Variants in MGMT observed in about 807,000 individuals in gnomAD.
MGMT encodes O-6-methylguanine-DNA methyltransferase.
In MGMT, 14 loss-of-function variants were observed where a neutral mutation model predicts 15.9. The observed-to-expected ratio is 0.88, with a 90% CI of 0.58 to 1.37. The LOEUF is 1.37. Among genes scored for constraint, MGMT ranks in the 40% most tolerant of loss-of-function variants. MGMT has a pLI of 0.00. For missense variants in MGMT, 282 were observed against 268.1 expected (o/e 1.05, Z -0.36); for synonymous variants, 130 against 118.2 (o/e 1.10, Z -0.65).
intron 3 of MGMT, among the ~76,000 whole-genome samples, chr10:129,736,016 G>A (rs1848556390): frequency 9.0e-6 from 1 of 110,846 alleles, no homozygotes; most frequent in Non-Finnish European, 1.8e-5. Flanking sequence ...GTGGTGTGGT[G>A]CTGAAAAAAA....
intron 3 of MGMT, among the ~76,000 whole-genome samples, chr10:129,742,390 C>T (rs376498979): frequency 1.1e-3 from 162 of 152,352 alleles, no homozygotes; most frequent in African/African-American, 3.5e-3. Context: ...CCTCGGTGCG[C>T]GACCCGGGGC....
intron 2 of MGMT, among the ~76,000 whole-genome samples, chr10:129,604,871 T>C (rs982987233): frequency 6.6e-6 from 1 of 152,178 alleles, no homozygotes; most frequent in African/African-American, 2.4e-5. Context: ...TTTAGTCTGC[T>C]TCGGGCTGCG....
rs148398719 is a variant in MGMT, at chr10:129,556,526, C to T, written c.125+20149C>T. 2.2e-3 allele frequency among the ~76,000 whole-genome samples: 339 copies of T among 152,286 alleles called. 1 individual carries two copies. Among genetic ancestry groups the T allele is most frequent in the African/African-American group, 7.7e-3 (322 of 41,550 alleles). The stretch of plus-strand genomic sequence containing the variant: ...CCCAGGCTGCAGGGCTTCGTCAGGG[C>T]AGCCCTGGCGGAAGAACGCAGCCTC... On this transcript the variant is annotated intron_variant, in intron 2 of 4. Transcript: ENST00000651593. This position sits in a 1 kb window ranked among gnomAD's most constrained non-coding sequence, Gnocchi z 4.3.
chr10:129,628,581 G>A (rs1847176930), intron 2 of MGMT, among the ~76,000 whole-genome samples: 1 of 152,124 alleles, frequency 6.6e-6, no homozygotes. Context: ...AGAATCATTT[G>A]GCAAAACATC....
chr10:129,615,714 C>A (rs1277503734), intron 2 of MGMT, among the ~76,000 whole-genome samples: 1 of 152,132 alleles, frequency 6.6e-6, no homozygotes, highest in Non-Finnish European at 1.5e-5. Flanking sequence ...GCATCTGTGT[C>A]TCTGGGCACC....
chr10:129,732,848 A>C (rs1187896357), intron 3 of MGMT, among the ~76,000 whole-genome samples: 2 of 141,432 alleles, frequency 1.4e-5, no homozygotes, highest in East Asian at 4.5e-4. Context: ...GAGAATGATG[A>C]TTTCCAATTT....
rs1485342044 is a variant in MGMT, at chr10:129,556,927, G to A, written c.125+20550G>A. On this transcript the variant is annotated intron_variant, in intron 2 of 4. Coordinates refer to ENST00000651593, the MANE Select transcript of MGMT (RefSeq NM_002412.5). This position sits in a 1 kb window ranked among gnomAD's most constrained non-coding sequence, Gnocchi z 4.3. The stretch of plus-strand genomic sequence containing the variant: ...TTTGTGAGGCTACCCTTCATTGAAG[G>A]GGGGCCCGTGATGTTGAGTGTTCAC... Among the ~76,000 whole-genome samples, 1 of 152,074 alleles carries A rather than the reference G, an allele frequency of 6.6e-6. No homozygotes were observed. Among genetic ancestry groups the A allele is most frequent in the Non-Finnish European group, 1.5e-5 (1 of 68,018 alleles).
At chr10:129,472,819 G>T (rs959651976) in intron 1 of MGMT, among the ~76,000 whole-genome samples, 1 of 152,184 alleles carries the variant, frequency 6.6e-6, no homozygotes, top group African/African-American at 2.4e-5. Flanking sequence ...GCCACCTCTG[G>T]TGCGTCTGAG....
At chr10:129,482,459 T>C (rs1327690077) in intron 1 of MGMT, among the ~76,000 whole-genome samples, 1 of 152,182 alleles carries the variant, frequency 6.6e-6, no homozygotes, top group Non-Finnish European at 1.5e-5. Flanking sequence ...TCTATATCCT[T>C]ATTGAATTTT....
intron 1 of MGMT, among the ~76,000 whole-genome samples, chr10:129,486,767 G>T (rs1340600396): frequency 6.6e-6 from 1 of 152,210 alleles, no homozygotes; most frequent in African/African-American, 2.4e-5. Flanking sequence ...TGTCATCATT[G>T]CAGGCTTAAG....
Position 129,728,030 on chromosome 10 carries a change from C to G in MGMT, c.274+19987C>G, listed in dbSNP as rs557955018. Among the ~76,000 whole-genome samples the G allele has an allele frequency of 3.9e-5, 6 of 152,256 alleles. No homozygotes were observed. The South Asian group carries it at 1.2e-3, about 32-fold the overall frequency. On this transcript the variant is annotated intron_variant, in intron 3 of 4. Transcript: ENST00000651593. ...CTCCAGGCCAAGAAGGCCATCAGGT[C>G]TCACTGGGGGACAGTGAGGAGCTAC... is the stretch of plus-strand genomic sequence containing the variant.
chr10:129,564,649 ACCCTCCTCTCCTTCCTCC>A (rs1226481151), intron 2 of MGMT, among the ~76,000 whole-genome samples: 44 of 22,976 alleles, frequency 1.9e-3, no homozygotes, highest in Non-Finnish European at 2.8e-3. Flanking sequence ...CTGCTTCCTC[ACCCTCCTCTCCTTCCTCC>A]CCCTCCTCTC....
chr10:129,671,695 TCCAG>T (rs1847725564), intron 2 of MGMT, among the ~76,000 whole-genome samples: 2 of 152,216 alleles, frequency 1.3e-5, no homozygotes, highest in Non-Finnish European at 2.9e-5. Context: ...TTTGAATAGC[TCCAG>T]AAATTTAGCC....
At chr10:129,535,432 G>C (rs1002631406) in intron 1 of MGMT, among the ~76,000 whole-genome samples, 4 of 152,176 alleles carry the variant, frequency 2.6e-5, no homozygotes, top group Admixed American at 6.5e-5. Flanking sequence ...TGTAAAGGTA[G>C]CCTATAGATG....
At chr10:129,603,903 C>T (rs552327506) in intron 2 of MGMT, among the ~76,000 whole-genome samples, 5 of 152,234 alleles carry the variant, frequency 3.3e-5, no homozygotes, top group Admixed American at 1.3e-4. Flanking sequence ...AGATATTAAC[C>T]CTGTGCCCTC....
At chr10:129,591,389 C>G (rs568775321) in intron 2 of MGMT, among the ~76,000 whole-genome samples, 14 of 152,304 alleles carry the variant, frequency 9.2e-5, no homozygotes, top group Non-Finnish European at 1.5e-5. Context: ...GCTCCCTGCC[C>G]TCTGTCTCCC....
intron 1 of MGMT, among the ~76,000 whole-genome samples, chr10:129,520,132 A>G (rs1270213111): frequency 1.3e-5 from 2 of 152,240 alleles, no homozygotes; most frequent in Non-Finnish European, 2.9e-5. Context: ...CGTGTTCATC[A>G]GTGGGCAGAA....
chr10:129,640,548 A>T (rs1019250173), intron 2 of MGMT, among the ~76,000 whole-genome samples: 1 of 152,178 alleles, frequency 6.6e-6, no homozygotes, highest in Non-Finnish European at 1.5e-5. Context: ...CAAAACATTT[A>T]TGGAAGAAAT....
At chr10:129,503,993 A>G (rs148431927) in intron 1 of MGMT, among the ~76,000 whole-genome samples, 21 of 152,338 alleles carry the variant, frequency 1.4e-4, no homozygotes, top group Non-Finnish European at 2.6e-4. Context: ...GATGGTTTCA[A>G]CAGTATCAGA....
Sources: allele counts gnomAD v4.1 joint callset (sites outside exome capture counted in the v4.1 genomes callset), GRCh38; gene constraint gnomAD v4.1.1; non-coding constraint Gnocchi (gnomAD v3.1); transcripts MANE v1.5; gene names NCBI Gene and HGNC (gene_info 2026-07-23, HGNC 2026-07-21).